The following FSTL4 variants were observed in gnomAD, a reference collection of about 807,000 sequenced individuals.
The protein encoded by FSTL4 is follistatin-related protein 4.
FSTL4 carries 28 observed loss-of-function variants against 78.2 expected under a neutral mutation model. The observed-to-expected ratio is 0.36, with a 90% CI of 0.27 to 0.49. The LOEUF (loss-of-function observed/expected upper bound fraction) is 0.49, where lower values mean the gene tolerates loss of function less well. FSTL4 is among the 20% of genes least tolerant of loss of function. FSTL4 has a pLI of 0.98. For missense variants in FSTL4, 922 were observed against 1,084.9 expected (o/e 0.85, Z 2.11); for synonymous variants, 422 against 440.5 (o/e 0.96, Z 0.53).
chr5:133,537,629 A>G (rs942976761), intron 3 of FSTL4, among the ~76,000 whole-genome samples: 1 of 152,074 alleles, frequency 6.6e-6, no homozygotes, highest in Non-Finnish European at 1.5e-5. Context: ...GTGCAATATT[A>G]AATAGAAGTG....
chr5:133,327,711 G>A (rs922348753), intron 4 of FSTL4, among the ~76,000 whole-genome samples: 4 of 152,184 alleles, frequency 2.6e-5, no homozygotes, highest in Non-Finnish European at 5.9e-5. Flanking sequence ...ACAGCACTGG[G>A]TCTGTCTCTT....
intron 3 of FSTL4, among the ~76,000 whole-genome samples, chr5:133,465,546 AGCTCTGG>A (rs1158388737): frequency 9.2e-5 from 14 of 152,208 alleles, no homozygotes; most frequent in Non-Finnish European, 8.8e-5. Flanking sequence ...GAGGCAGACT[AGCTCTGG>A]GTTCTAGTCC....
chr5:133,342,845 G>A (rs1030724144), intron 4 of FSTL4, among the ~76,000 whole-genome samples: 1 of 152,216 alleles, frequency 6.6e-6, no homozygotes, highest in South Asian at 2.1e-4. Flanking sequence ...CGCTGTGTGT[G>A]TTTGCACATG....
At chr5:133,437,994 G>A (rs1007650212) in intron 3 of FSTL4, among the ~76,000 whole-genome samples, 6 of 151,990 alleles carry the variant, frequency 3.9e-5, no homozygotes, top group African/African-American at 1.4e-4. Flanking sequence ...CTACTGAATT[G>A]TAACGTATTA....
chr5:133,735,456 C>T, the FSTL4 span, among the ~76,000 whole-genome samples: 2 of 152,104 alleles, frequency 1.3e-5, no homozygotes, highest in African/African-American at 4.8e-5. Context: ...GAGCGAGACA[C>T]CATCTAAAAA....
At chr5:133,378,496 A>G (rs1172737296) in intron 4 of FSTL4, among the ~76,000 whole-genome samples, 2 of 152,198 alleles carry the variant, frequency 1.3e-5, no homozygotes, top group Non-Finnish European at 2.9e-5. Flanking sequence ...AAATTATATA[A>G]CTATATACTT....
At chr5:133,380,668 T>A (rs1216657216) in intron 4 of FSTL4, among the ~76,000 whole-genome samples, 1 of 151,846 alleles carries the variant, frequency 6.6e-6, no homozygotes, top group Non-Finnish European at 1.5e-5. Flanking sequence ...TTCCAACACA[T>A]TCTGTGACTT....
the FSTL4 span, among the ~76,000 whole-genome samples, chr5:133,673,591 C>G: frequency 6.6e-6 from 1 of 152,226 alleles, no homozygotes; most frequent in East Asian, 1.9e-4. Flanking sequence ...ATTGTGGATT[C>G]AAATTCAACT....
chr5:133,794,262 G>A, the FSTL4 span, among the ~76,000 whole-genome samples: 2 of 152,200 alleles, frequency 1.3e-5, no homozygotes, highest in South Asian at 2.1e-4. Context: ...AATGCCAGGG[G>A]GCCACCACTG....
intron 3 of FSTL4, among the ~76,000 whole-genome samples, chr5:133,466,137 A>G (rs1757701224): frequency 6.6e-6 from 1 of 152,126 alleles, no homozygotes; most frequent in Non-Finnish European, 1.5e-5. Context: ...CCCATATGGG[A>G]AAGGAGGGGG....
Position 133,338,012 on chromosome 5 carries a change from G to A in FSTL4, c.410-21360C>T, listed in dbSNP as rs1050633167. ...GAGGGGGTTTGGGTGGTGAGTATGC[G>A]TGCGGAGGGCTTCTGGCAGGAGAGC... On this transcript the variant is annotated intron_variant, in intron 4 of 15. Transcript: ENST00000265342. This position sits in a 1 kb window ranked among gnomAD's most constrained non-coding sequence, Gnocchi z 4.0. Among the ~76,000 whole-genome samples, 3 of 152,208 alleles carry A rather than the reference G, an allele frequency of 2.0e-5. No homozygotes were observed. Among genetic ancestry groups the A allele is most frequent in the Non-Finnish European group, 4.4e-5 (3 of 68,046 alleles).
chr5:133,605,675 G>A (rs1206209266), intron 1 of FSTL4, among the ~76,000 whole-genome samples: 1 of 152,180 alleles, frequency 6.6e-6, no homozygotes, highest in Non-Finnish European at 1.5e-5. Context: ...CTATGGCACT[G>A]GCCTATGAAA....
the FSTL4 span, among the ~76,000 whole-genome samples, chr5:133,740,088 G>T: frequency 2.0e-5 from 3 of 152,154 alleles, no homozygotes; most frequent in South Asian, 2.1e-4. Flanking sequence ...TTGCCATGTT[G>T]CCCAGGCTGG....
the FSTL4 span, among the ~76,000 whole-genome samples, chr5:133,657,587 C>G: frequency 2.6e-5 from 4 of 152,074 alleles, no homozygotes; most frequent in African/African-American, 7.3e-5. Flanking sequence ...TGCCCATAGG[C>G]ACCTTCTCTA....
At chr5:133,615,347 G>A (rs1439672601), upstream of FSTL4, among the ~76,000 whole-genome samples, 4 of 152,234 alleles carry the variant, frequency 2.6e-5, no homozygotes, top group African/African-American at 9.6e-5. Context: ...ACCAAACCAT[G>A]CAGTTTACTG....
the FSTL4 span, among the ~76,000 whole-genome samples, chr5:133,654,260 G>A: frequency 1.3e-5 from 2 of 152,114 alleles, no homozygotes; most frequent in African/African-American, 2.4e-5. Context: ...TTATGCATGG[G>A]GTCCTTTACA....
intron 4 of FSTL4, among the ~76,000 whole-genome samples, chr5:133,351,390 C>G (rs1360241188): frequency 6.6e-6 from 1 of 152,108 alleles, no homozygotes; most frequent in East Asian, 1.9e-4. Context: ...CTGGAAAATT[C>G]CCAGCCATTA....
At chr5:133,675,169 A>G in the FSTL4 span, among the ~76,000 whole-genome samples, 1 of 152,166 alleles carries the variant, frequency 6.6e-6, no homozygotes, top group Non-Finnish European at 1.5e-5. Flanking sequence ...CTGAGTGATA[A>G]GAAGGCTCTT....
chr5:133,390,138 C>G (rs528575592), intron 4 of FSTL4, among the ~76,000 whole-genome samples: 1 of 152,166 alleles, frequency 6.6e-6, no homozygotes, highest in African/African-American at 2.4e-5. Flanking sequence ...CTGCTAAGTC[C>G]CTGGATGAGC....
Sources: gnomAD v4.1 joint callset for allele counts (sites outside exome capture counted in the v4.1 genomes callset) on GRCh38, gnomAD v4.1.1 for gene constraint, Gnocchi (gnomAD v3.1) non-coding constraint, MANE v1.5 for transcripts, NCBI Gene and HGNC (gene_info 2026-07-23, HGNC 2026-07-21) for gene names.